The following ZNF90 variants were observed in gnomAD, a reference collection of about 807,000 sequenced individuals.
The protein encoded by ZNF90 is zinc finger protein HTF9.
In ZNF90, 11 loss-of-function variants were observed where a neutral mutation model predicts 12.0. The ratio of observed to expected loss-of-function variants is 0.92; its 90% confidence interval spans 0.58 to 1.52. The LOEUF is 1.52. ZNF90 is among the 40% of genes most tolerant of loss of function. ZNF90 has a pLI of 0.00. For missense variants in ZNF90, 765 were observed against 711.5 expected (o/e 1.08, Z -0.86); for synonymous variants, 232 against 240.1 (o/e 0.97, Z 0.31).
At chr19:20,106,249 ACT>A (rs1248168786) in intron 3 of ZNF90, among the ~76,000 whole-genome samples, 9 of 151,574 alleles carry the variant, frequency 5.9e-5, no homozygotes, top group Admixed American at 3.3e-4. Context: ...GACAGTTTTT[ACT>A]CTGTTTATGA....
chr19:20,099,239 T>C (rs1397544626), intron 1 of ZNF90, among the ~76,000 whole-genome samples: 1 of 152,122 alleles, frequency 6.6e-6, no homozygotes, highest in Non-Finnish European at 1.5e-5. Flanking sequence ...AGTGGCATGA[T>C]TTCAGCTCAC....
intron 1 of ZNF90, among the ~76,000 whole-genome samples, chr19:20,089,064 G>A (rs2088881958): frequency 6.6e-6 from 1 of 152,118 alleles, no homozygotes; most frequent in Admixed American, 6.5e-5. Context: ...AGGCAAAACT[G>A]GAGATGTAAA....
chr19:20,107,187 A>G (rs922656008), intron 3 of ZNF90: 2 of 360,872 alleles, frequency 5.5e-6, no homozygotes, highest in East Asian at 7.4e-5. Context: ...AGTAAAGGCC[A>G]ATGTCTTCAT....
chr19:20,102,544 A>G (rs1230982551), intron 1 of ZNF90, among the ~76,000 whole-genome samples: 1 of 152,110 alleles, frequency 6.6e-6, no homozygotes, highest in African/African-American at 2.4e-5. Context: ...TCTGTGAGAC[A>G]CACCCTTCTA....
intron 1 of ZNF90, among the ~76,000 whole-genome samples, chr19:20,094,840 G>C (rs1274073614): frequency 6.6e-6 from 1 of 152,136 alleles, no homozygotes; most frequent in South Asian, 2.1e-4. Flanking sequence ...TCTGAGAAAG[G>C]TCTGATAGAG....
intron 3 of ZNF90, among the ~76,000 whole-genome samples, chr19:20,110,411 T>C (rs782047495): frequency 2.5e-4 from 38 of 152,218 alleles, no homozygotes; most frequent in Middle Eastern, 3.4e-3. Context: ...CCCTAGTAAC[T>C]GGGATTACAG....
intron 3 of ZNF90, among the ~76,000 whole-genome samples, chr19:20,106,183 A>C (rs1291796756): frequency 1.3e-5 from 2 of 151,458 alleles, no homozygotes; most frequent in African/African-American, 2.4e-5. Context: ...AAAGCTGTAC[A>C]TATACTTGTA....
chr19:20,098,998 C>A (rs539353649), intron 1 of ZNF90, among the ~76,000 whole-genome samples: 1 of 152,204 alleles, frequency 6.6e-6, no homozygotes, highest in East Asian at 1.9e-4. Flanking sequence ...TTCCAACAAT[C>A]CAGAAACTTT....
chr19:20,099,116 G>A (rs1555703562), intron 1 of ZNF90, among the ~76,000 whole-genome samples: 1 of 152,064 alleles, frequency 6.6e-6, no homozygotes, highest in Non-Finnish European at 1.5e-5. Context: ...CTTTCTTTAT[G>A]TTGTTGTGAC....
At chr19:20,102,354 C>CT in intron 1 of ZNF90, among the ~76,000 whole-genome samples, 1 of 152,296 alleles carries the variant, frequency 6.6e-6, no homozygotes, top group South Asian at 2.1e-4. Flanking sequence ...TTCCTGCTGA[C>CT]TATTCATCCC....
Position 20,119,302 on chromosome 19 carries a change from A to G in ZNF90, c.1748A>G (p.His583Arg), listed in dbSNP as rs782812151. Residue 583 changes from histidine (H) to arginine (R), a missense_variant, in exon 4 of 4, where the codon CAT becomes CGT. His to Arg is a conservative substitution (Grantham distance 29). Transcript: ENST00000418063. Reference sequence around the variant, plus strand: ...AACTTGTCCTCAGACCTTAATACACATAAGAGGATTCATATTGGACAGAAA... The same window carrying G: ...AACTTGTCCTCAGACCTTAATACACGTAAGAGGATTCATATTGGACAGAAA... ...AFNLSSDLNTHKRIHIGQKAY... is the reference protein window; with the variant it reads ...AFNLSSDLNTRKRIHIGQKAY... 3 of 1,611,208 alleles carry G rather than the reference A, an allele frequency of 1.9e-6. No homozygotes were observed. Among genetic ancestry groups the G allele is most frequent in the South Asian group, 1.1e-5 (1 of 90,720 alleles).
At chr19:20,103,254 A>T (rs1346501307) in intron 1 of ZNF90, among the ~76,000 whole-genome samples, 4 of 152,218 alleles carry the variant, frequency 2.6e-5, no homozygotes, top group African/African-American at 9.6e-5. Context: ...TACAGCTGTG[A>T]AGGTTTAGCA....
intron 1 of ZNF90, among the ~76,000 whole-genome samples, chr19:20,094,421 G>A (rs1386234750): frequency 6.6e-6 from 1 of 152,228 alleles, no homozygotes; most frequent in African/African-American, 2.4e-5. Flanking sequence ...TCTAAGGGTT[G>A]CTGCTAAGCG....
chr19:20,092,176 G>GT (rs1163440671), intron 1 of ZNF90, among the ~76,000 whole-genome samples: 1 of 152,194 alleles, frequency 6.6e-6, no homozygotes, highest in East Asian at 1.9e-4. Flanking sequence ...CAAAGAGTGA[G>GT]TATAGCAGAA....
Position 20,119,302 on chromosome 19 carries a change from A to ATAAG in ZNF90, c.1749_1752dup (p.Arg585Ter). On this transcript the variant is annotated frameshift_variant, in exon 4 of 4. Transcript: ENST00000418063. LOFTEE classifies it high-confidence loss of function. ...AACTTGTCCTCAGACCTTAATACAC[A>ATAAG]TAAGAGGATTCATATTGGACAGAAA... 6.2e-7 allele frequency: 1 copy of ATAAG among 1,611,208 alleles called. No individual in the cohort carries two copies. The highest frequency in any genetic ancestry group is 8.5e-7 in the Non-Finnish European group (1 of 1,178,560).
In ZNF90 at chr19:20,078,003, T is replaced by C; in HGVS notation, c.-130T>C. The C allele has an allele frequency of 8.0e-7, 1 of 1,246,322 alleles. No homozygotes were observed. The highest frequency in any genetic ancestry group is 1.2e-6 in the Non-Finnish European group (1 of 849,270). 77.2% of individuals were successfully genotyped at this position (1,246,322 alleles called of 1,614,324 possible). A position where few individuals can be genotyped will look rare whatever the true frequency, so the allele number is the denominator to read the frequency against. On this transcript the variant is annotated 5_prime_UTR_variant, in exon 1 of 4. Transcript: ENST00000418063. ...AGGCTTTCGGGTTTGGCGCGGCCAT[T>C]TGTCTCTTGCTGCAGCTGGTGCTCC... is the stretch of plus-strand genomic sequence containing the variant.
chr19:20,094,880 T>G (rs2088930558), intron 1 of ZNF90, among the ~76,000 whole-genome samples: 2 of 152,176 alleles, frequency 1.3e-5, no homozygotes, highest in South Asian at 4.1e-4. Flanking sequence ...GACTATGCCT[T>G]CAGCTCCAGC....
chr19:20,105,681 T>C (rs1160856891), intron 3 of ZNF90, among the ~76,000 whole-genome samples: 1 of 152,210 alleles, frequency 6.6e-6, no homozygotes, highest in Non-Finnish European at 1.5e-5. Flanking sequence ...TCTTTTTGCA[T>C]CAGGCCTGAA....
intron 1 of ZNF90, among the ~76,000 whole-genome samples, chr19:20,088,622 T>G (rs2070641292): frequency 6.6e-6 from 1 of 152,194 alleles, no homozygotes; most frequent in African/African-American, 2.4e-5. Flanking sequence ...AAAACAACAC[T>G]CTTCATTTAA....
Sources: allele counts gnomAD v4.1 joint callset (sites outside exome capture counted in the v4.1 genomes callset), GRCh38; gene constraint gnomAD v4.1.1; transcripts MANE v1.5; gene names NCBI Gene and HGNC (gene_info 2026-07-23, HGNC 2026-07-21).